TIAM2: variants seen among roughly 807,000 people sequenced by gnomAD.
The protein encoded by TIAM2 is rho guanine nucleotide exchange factor TIAM2.
In TIAM2, 80 loss-of-function variants were observed where a neutral mutation model predicts 152.9. The observed-to-expected ratio is 0.52, with a 90% CI of 0.44 to 0.63. The LOEUF (loss-of-function observed/expected upper bound fraction) is 0.63. Among genes scored for constraint, TIAM2 ranks in the 30% least tolerant of loss-of-function variants. The probability of loss-of-function intolerance (pLI) is 0.00; values close to 1 mark genes in which losing one functional copy is unlikely to be tolerated. For synonymous variants in TIAM2, 804 were observed against 838.0 expected (o/e 0.96, Z 0.70); for missense variants, 1,965 against 2,120.1 (o/e 0.93, Z 1.44).
intron 1 of TIAM2, among the ~76,000 whole-genome samples, chr6:155,070,265 G>C (rs1583176129): frequency 1.6e-5 from 2 of 124,686 alleles, no homozygotes; most frequent in South Asian, 5.5e-4. Flanking sequence ...CTGTCGCCCA[G>C]GCTGGAGTAC....
chr6:155,223,517 A>ATTTTTTTTTTTTTTT (rs11389646), intron 15 of TIAM2, among the ~76,000 whole-genome samples: 1 of 140,862 alleles, frequency 7.1e-6, no homozygotes. Flanking sequence ...ACATCCCCAG[A>ATTTTTTTTTTTTTTT]TTTTTTTTTC....
chr6:155,028,770 TATATACTACATGTA>T (rs1320275662), intron 1 of TIAM2, among the ~76,000 whole-genome samples: 4 of 125,900 alleles, frequency 3.2e-5, no homozygotes, highest in African/African-American at 1.3e-4. Flanking sequence ...TATACTGTGT[TATATACTACATGTA>T]ATATATATAC....
chr6:155,060,144 C>G (rs1467342015), intron 1 of TIAM2, among the ~76,000 whole-genome samples: 1 of 152,182 alleles, frequency 6.6e-6, no homozygotes, highest in Admixed American at 6.5e-5. Flanking sequence ...GTGCTTACGC[C>G]TGTAATCCCA....
At chr6:155,038,353 T>C (rs1776960238) in intron 1 of TIAM2, among the ~76,000 whole-genome samples, 1 of 152,298 alleles carries the variant, frequency 6.6e-6, no homozygotes, top group East Asian at 1.9e-4. Context: ...AGACTGGCTC[T>C]TTGTTCCCAG....
chr6:155,005,068 G>C (rs114878607), intron 1 of TIAM2: 174 of 413,478 alleles, frequency 4.2e-4, no homozygotes, highest in African/African-American at 3.4e-3. Context: ...AGTTGCACCA[G>C]AGTAGAAGGC....
In TIAM2 at chr6:155,137,576, C is replaced by A. The variant is rs774295763; in HGVS notation, c.1594C>A (p.Arg532=). ...GGAAAGGAAGCTTGAGCTGGTGGCA[C>A]GAAGGAAATGGAAACAGTACTGGGT... ...QKERKLELVA[R]RKWKQYWVTL... The change falls in exon 5 of 27, where the codon CGA becomes AGA. Residue 532 remains arginine (R), a synonymous_variant. Coordinates refer to ENST00000682666, the MANE Select transcript of TIAM2 (RefSeq NM_012454.4). The A allele has an allele frequency of 2.6e-5, 42 of 1,607,528 alleles. No homozygotes were observed. The highest frequency in any genetic ancestry group is 3.5e-5 in the Non-Finnish European group (41 of 1,179,186).
At position 155,244,012 on chromosome 6, in the gene TIAM2, A is replaced by C; in HGVS notation, c.3350A>C (p.Asp1117Ala). Residue 1117 changes from aspartate (D) to alanine (A), a missense_variant and splice_region_variant, in exon 17 of 27, where the codon GAT (aspartate) becomes GCT (alanine). Around this residue, in one of 3 missense-constraint regions of TIAM2, gnomAD observed 935 missense variants for 980.0 expected, o/e 0.95. Transcript: ENST00000682666. The part of the protein sequence containing the change: ...LVDTEKSYVK[D>A]LSCLFELYLE... The stretch of plus-strand genomic sequence containing the variant: ...ACACTTTCTTCTATTTTCTTTCAGG[A>C]TTTGAGCTGCCTCTTTGAATTATAC... The C allele has an allele frequency of 6.2e-7, 1 of 1,613,968 alleles. No individual in the cohort carries two copies. The highest frequency in any genetic ancestry group is 8.5e-7 in the Non-Finnish European group (1 of 1,179,962).
chr6:155,236,349 C>T (rs7750693), intron 15 of TIAM2, among the ~76,000 whole-genome samples: 3,960 of 151,822 alleles, frequency 0.026, 179 homozygotes, highest in African/African-American at 0.091. Context: ...TTAGCAACAC[C>T]TGGGGGAGTT....
At chr6:155,189,001 T>G (rs1203548723) in intron 14 of TIAM2, among the ~76,000 whole-genome samples, 1 of 152,202 alleles carries the variant, frequency 6.6e-6, no homozygotes, top group African/African-American at 2.4e-5. Context: ...TTTGAATCAT[T>G]CTTTTTTTAA....
intron 1 of TIAM2, among the ~76,000 whole-genome samples, chr6:155,067,799 G>A (rs1306684707): frequency 3.9e-5 from 6 of 151,964 alleles, no homozygotes; most frequent in African/African-American, 1.2e-4. Flanking sequence ...GCACCACCAC[G>A]CCTGGCTAAT....
chr6:155,243,171 A>G (rs1258925507), intron 16 of TIAM2, among the ~76,000 whole-genome samples: 1 of 152,178 alleles, frequency 6.6e-6, no homozygotes, highest in African/African-American at 2.4e-5. Flanking sequence ...TAGCCATTAG[A>G]GCTGCAGCTC....
chr6:155,029,913 C>T (rs1333782603), intron 1 of TIAM2, among the ~76,000 whole-genome samples: 2 of 151,810 alleles, frequency 1.3e-5, no homozygotes, highest in African/African-American at 4.8e-5. Context: ...CCGTCTCAGC[C>T]TCCCAAGTAG....
chr6:155,023,574 A>C lies in TIAM2; in HGVS notation c.-209+28082A>C, dbSNP rs181554499. On this transcript the variant is annotated intron_variant, in intron 1 of 26. Coordinates refer to ENST00000682666, the MANE Select transcript of TIAM2 (RefSeq NM_012454.4). Reference sequence around the variant, plus strand: ...TTGGGTAGCAGCCTGGCCTGGAACCAGCTGCAAGTAACCAAGCAATGATGA... The same window carrying C: ...TTGGGTAGCAGCCTGGCCTGGAACCCGCTGCAAGTAACCAAGCAATGATGA... Among the ~76,000 whole-genome samples the C allele has an allele frequency of 5.3e-5, 8 of 152,282 alleles. No homozygotes were observed. The East Asian group carries it at 1.2e-3, about 22-fold the overall frequency.
At chr6:155,023,658 G>T (rs1306070459) in intron 1 of TIAM2, among the ~76,000 whole-genome samples, 1 of 152,260 alleles carries the variant, frequency 6.6e-6, no homozygotes, top group East Asian at 1.9e-4. Flanking sequence ...GTCTTCTCTT[G>T]CGGGGAAAGG....
intron 1 of TIAM2, among the ~76,000 whole-genome samples, chr6:155,037,512 C>T (rs977934281): frequency 6.6e-6 from 1 of 152,020 alleles, no homozygotes; most frequent in Non-Finnish European, 1.5e-5. Context: ...CAGTGTGCTC[C>T]TCTGGGCTGG....
intron 20 of TIAM2, among the ~76,000 whole-genome samples, chr6:155,249,062 T>G (rs889747742): frequency 2.6e-5 from 4 of 152,194 alleles, no homozygotes; most frequent in Middle Eastern, 3.2e-3. Context: ...TGTAAAAACT[T>G]CATTTTGTAT....
At position 155,257,041 on chromosome 6, in the gene TIAM2, C is replaced by T. The variant is rs201575258; in HGVS notation, c.5026C>T (p.Arg1676Ter). 96 of 1,613,978 alleles carry T rather than the reference C, an allele frequency of 5.9e-5. No homozygotes were observed. Among genetic ancestry groups the T allele is most frequent in the Non-Finnish European group, 7.3e-5 (86 of 1,180,032 alleles). Reference protein sequence around the residue: ...ATIDLNSVLEREFSVQSLTSV... With the variant: ...ATIDLNSVLE ...CATCGACCTAAATTCTGTTCTAGAG[C>T]GAGAATTCAGTGTCCAGAGTTTAAC... is the stretch of plus-strand genomic sequence containing the variant. The change falls in exon 27 of 27, where the codon CGA (arginine) becomes TGA (stop). Residue 1676 changes from arginine (R) to a stop codon, truncating the protein, a stop_gained. Transcript: ENST00000682666. LOFTEE classifies it high-confidence loss of function.
intron 14 of TIAM2, among the ~76,000 whole-genome samples, chr6:155,205,865 A>G (rs1781583359): frequency 6.6e-6 from 1 of 152,214 alleles, no homozygotes; most frequent in Admixed American, 6.5e-5. Context: ...ACACGTTTGC[A>G]TATTAACTGT....
Position 155,129,710 on chromosome 6 carries a change from A to C in TIAM2, c.487A>C (p.Ile163Leu). The change falls in exon 4 of 27, where the codon ATC becomes CTC. Residue 163 changes from isoleucine (I) to leucine (L), a missense_variant. Physicochemically the swap from Ile to Leu is conservative, Grantham distance 5 (BLOSUM62 2). This residue lies in a region of TIAM2 where 1,025 missense variants were observed against 1,119.4 expected (regional missense o/e 0.92). Transcript: ENST00000682666. This position sits in a 1 kb window ranked among gnomAD's most constrained non-coding sequence, Gnocchi z 4.8. ...AGACCGCAAGAGCCCCCGAGTGCTC[A>C]TCAAAACGCTGGGGAAGCTGGATGG... ...GEDRKSPRVL[I>L]KTLGKLDGCL... 3 of 1,614,094 alleles carry C rather than the reference A, an allele frequency of 1.9e-6. No homozygotes were observed. The highest frequency in any genetic ancestry group is 2.5e-6 in the Non-Finnish European group (3 of 1,180,028).
Sources: gnomAD v4.1 joint callset for allele counts (sites outside exome capture counted in the v4.1 genomes callset) on GRCh38, gnomAD v4.1.1 for gene constraint, gnomAD v4.1.1 regional missense constraint, Gnocchi (gnomAD v3.1) non-coding constraint, MANE v1.5 for transcripts, NCBI Gene and HGNC (gene_info 2026-07-23, HGNC 2026-07-21) for gene names.